The following KIF9 variants were observed in gnomAD, a reference collection of about 807,000 sequenced individuals.
The protein encoded by KIF9 is kinesin family member 9.
KIF9 carries 68 observed loss-of-function variants against 94.8 expected under a neutral mutation model. The ratio of observed to expected loss-of-function variants is 0.72; its 90% CI spans 0.59 to 0.88. The LOEUF (loss-of-function observed/expected upper bound fraction) is 0.88, where lower values mean the gene tolerates loss of function less well. KIF9 is among the 40% of genes least tolerant of loss of function. KIF9 has a pLI of 0.00. For missense variants in KIF9, 882 were observed against 982.5 expected, an observed-to-expected ratio of 0.90 and a Z score of 1.37; for synonymous variants, 343 against 362.1, an observed-to-expected ratio of 0.95 and a Z score of 0.60.
intron 3 of KIF9, among the ~76,000 whole-genome samples, chr3:47,274,184 G>A (rs750679934): frequency 2.0e-5 from 3 of 152,178 alleles, no homozygotes; most frequent in Non-Finnish European, 4.4e-5. Flanking sequence ...AATTCCTGCA[G>A]GATGAAACAG....
chr3:47,243,271 G>A, intron 15 of KIF9, 26 bp from the exon 16 acceptor site: 1 of 1,592,648 alleles, frequency 6.3e-7, no homozygotes, highest in South Asian at 1.1e-5. Context: ...GAAGCCCCAG[G>A]GTTCAGTCAT....
chr3:47,262,695 G>A (rs923759354), intron 9 of KIF9, among the ~76,000 whole-genome samples: 1 of 152,146 alleles, frequency 6.6e-6, no homozygotes, highest in Non-Finnish European at 1.5e-5. Flanking sequence ...CTGGATGTAC[G>A]ACAGGAGCAC....
intron 16 of KIF9, 97 bp from the exon 17 acceptor site, chr3:47,241,112 G>A: frequency 1.9e-6 from 2 of 1,062,972 alleles, no homozygotes; most frequent in Non-Finnish European, 2.8e-6. Flanking sequence ...TCTGTGGCCA[G>A]GAGGCAGAAG....
intron 10 of KIF9, among the ~76,000 whole-genome samples, chr3:47,251,182 G>A (rs992112847): frequency 2.6e-5 from 4 of 152,216 alleles, no homozygotes; most frequent in Non-Finnish European, 5.9e-5. Flanking sequence ...GCTACAGAAA[G>A]TTCGACTGAG....
At chr3:47,240,036 T>G in intron 17 of KIF9, 5 of 904,122 alleles carry the variant, frequency 5.5e-6, no homozygotes, top group Non-Finnish European at 7.6e-6. Flanking sequence ...GCTCCATCTC[T>G]CCCAAGTCAG....
chr3:47,275,119 T>TCCTTTTAATCTA (rs140793036), intron 3 of KIF9: 77,901 of 528,324 alleles, frequency 0.15, 6,986 homozygotes, highest in Middle Eastern at 0.19. Context: ...CTTTTAATTT[T>TCCTTTTAATCTA]CCTATGAAGG....
chr3:47,279,160 C>CAA (rs55779664), intron 1 of KIF9, among the ~76,000 whole-genome samples: 3 of 54,888 alleles, frequency 5.5e-5, no homozygotes, highest in Non-Finnish European at 3.7e-5. Flanking sequence ...GACCATATCT[C>CAA]AAAAAAAAAA....
intron 20 of KIF9, among the ~76,000 whole-genome samples, chr3:47,229,999 G>T (rs1698441210): frequency 6.6e-6 from 1 of 152,172 alleles, no homozygotes; most frequent in Admixed American, 6.5e-5. Context: ...CTCCCAAAGT[G>T]CTGGGATTAC....
At chr3:47,282,440 G>A in intron 1 of KIF9, 55 bp downstream of exon 1, 1 of 986,614 alleles carries the variant, frequency 1.0e-6, no homozygotes, top group South Asian at 4.5e-5. Flanking sequence ...CAGCAGTCCG[G>A]GCGCACACCC....
rs1369862432 is a variant in KIF9 at position 47,256,536 on chromosome 3, G to A, written c.1059+947C>T. ...AGGGAGGTGGGGGGGTCGGCCCCCC[G>A]CCCGGCCGGCCGCCCTGTCCGGGAG... On this transcript the variant is annotated intron_variant, in intron 10 of 20. Transcript: ENST00000684063. Among the ~76,000 whole-genome samples, 8 of 148,846 alleles carry A rather than the reference G, an allele frequency of 5.4e-5. No individual in the cohort carries two copies. In the South Asian group the frequency reaches 6.4e-4, roughly 12 times the overall value.
chr3:47,274,331 G>A (rs201271913), intron 3 of KIF9, among the ~76,000 whole-genome samples: 6 of 152,124 alleles, frequency 3.9e-5, no homozygotes, highest in South Asian at 4.1e-4. Context: ...ACCAGGCTCC[G>A]GGACACAAAC....
In KIF9 at chr3:47,241,029, G is replaced by A. The variant is rs777180512; in HGVS notation, c.1710-14C>T. On this transcript the variant is annotated splice_polypyrimidine_tract_variant and intron_variant, in intron 16 of 20. Transcript: ENST00000684063. ...GGGGTGTCGGGCCTTGAGATGAAAA[G>A]GTGAGACCAAAGAGGATAAATGAGG... is the stretch of plus-strand genomic sequence containing the variant. 6.2e-7 allele frequency: 1 copy of A among 1,611,980 alleles called. No individual in the cohort carries two copies. Among genetic ancestry groups the A allele is most frequent in the Non-Finnish European group, 8.5e-7 (1 of 1,178,162 alleles).
chr3:47,244,379 C>T, intron 15 of KIF9: 1 of 162,122 alleles, frequency 6.2e-6, no homozygotes, highest in Non-Finnish European at 1.3e-5. Flanking sequence ...GACCTGAGTG[C>T]CAGTCGGCGG....
chr3:47,245,025 C>T, intron 14 of KIF9, 101 bp from the exon 15 acceptor site: 1 of 1,461,282 alleles, frequency 6.8e-7, no homozygotes, highest in Non-Finnish European at 9.2e-7. Flanking sequence ...TGGACATGTT[C>T]ACCATACACA....
intron 4 of KIF9, among the ~76,000 whole-genome samples, chr3:47,272,777 G>C (rs927606121): frequency 6.6e-6 from 1 of 152,202 alleles, no homozygotes; most frequent in Non-Finnish European, 1.5e-5. Context: ...CACTGGGCTA[G>C]ATTACTAAAG....
chr3:47,250,195 T>C (rs1008638767), intron 10 of KIF9, among the ~76,000 whole-genome samples: 6 of 152,198 alleles, frequency 3.9e-5, no homozygotes. Flanking sequence ...AAATGTTCCA[T>C]ATTTGTGCTG....
intron 9 of KIF9, among the ~76,000 whole-genome samples, chr3:47,260,849 G>A (rs1576032358): frequency 6.6e-6 from 1 of 152,220 alleles, no homozygotes; most frequent in African/African-American, 2.4e-5. Context: ...CAGGTGATGG[G>A]GAAGGGATAA....
chr3:47,269,759 T>C (rs1701518113), intron 5 of KIF9, among the ~76,000 whole-genome samples: 1 of 132,794 alleles, frequency 7.5e-6, no homozygotes, highest in Non-Finnish European at 1.6e-5. Context: ...CCACCACCAC[T>C]CCCAGCTAAT....
At chr3:47,274,577 G>A (rs1369936231) in intron 3 of KIF9, among the ~76,000 whole-genome samples, 1 of 152,212 alleles carries the variant, frequency 6.6e-6, no homozygotes, top group African/African-American at 2.4e-5. Flanking sequence ...CAGAAATGGT[G>A]TCTATTAACC....
Sources: gnomAD v4.1 joint callset for allele counts (sites outside exome capture counted in the v4.1 genomes callset) on GRCh38, gnomAD v4.1.1 for gene constraint, MANE v1.5 for transcripts, NCBI Gene and HGNC (gene_info 2026-07-23, HGNC 2026-07-21) for gene names.